Variants in PYGO1 observed in about 807,000 individuals in gnomAD.
The protein encoded by PYGO1 is pygopus homolog 1.
PYGO1 carries 6 observed loss-of-function variants against 29.5 expected under a neutral mutation model. The observed-to-expected ratio is 0.20, with a 90% confidence interval of 0.11 to 0.40. The LOEUF is 0.40. Ranked by LOEUF, PYGO1 falls within the 10% of genes least tolerant of loss-of-function variation. The pLI, the probability that PYGO1 is intolerant of heterozygous loss-of-function variation, is 1.00. For synonymous variants in PYGO1, 186 were observed against 180.5 expected (o/e 1.03, Z -0.24); for missense variants, 515 against 514.9 (o/e 1.00, Z 0.00).
rs534263615 is a variant in PYGO1 at position 55,540,656 on chromosome 15, C to T, written c.*5367G>A. ...ATAATTAGTATTACATAGTAATTTC[C>T]TTTGCCATAGGAATAAATGTTGGAC... On this transcript the variant is annotated 3_prime_UTR_variant, in exon 3 of 3. Coordinates refer to ENST00000563719, the MANE Select transcript of PYGO1 (RefSeq NM_001367806.1). 6.6e-5 allele frequency: 10 copies of T among 152,186 alleles called. No individual in the cohort carries two copies. The highest frequency in any genetic ancestry group is 2.4e-4 in the African/African-American group (10 of 41,524). 9.4% of individuals were successfully genotyped at this position (152,186 alleles called of 1,614,324 possible). A position where few individuals can be genotyped will look rare whatever the true frequency, so the allele number is the denominator to read the frequency against.
At chr15:55,572,224 A>G (rs1196066991) in intron 1 of PYGO1, among the ~76,000 whole-genome samples, 1 of 152,198 alleles carries the variant, frequency 6.6e-6, no homozygotes, top group South Asian at 2.1e-4. Context: ...ATGGAACACA[A>G]TCAAGAGCCC....
chr15:55,552,760 A>G (rs1216550745), intron 1 of PYGO1, among the ~76,000 whole-genome samples: 1 of 152,180 alleles, frequency 6.6e-6, no homozygotes, highest in Non-Finnish European at 1.5e-5. Context: ...ACTCAGGCAC[A>G]CACAGAGACC....
At position 55,588,092 on chromosome 15, in the gene PYGO1, GTGC is replaced by G; in HGVS notation, c.-212_-210del. ...CGGGGCGGCGGGGCGGCGGGGCGGCGTGCGGGCACCGGCGGGGCTCAGCGGCGG... is the reference window on the plus strand; with the variant it reads ...CGGGGCGGCGGGGCGGCGGGGCGGCGGGGCACCGGCGGGGCTCAGCGGCGG... On this transcript the variant is annotated 5_prime_UTR_variant, in exon 1 of 3. Transcript: ENST00000563719. 2.0e-6 allele frequency: 2 copies of G among 1,020,360 alleles called. No individual in the cohort carries two copies. Among genetic ancestry groups the G allele is most frequent in the Non-Finnish European group, 2.3e-6 (2 of 851,134 alleles). The allele number at this position is 1,020,360 out of a possible 1,614,324, so 63.2% of individuals were successfully genotyped here.
intron 1 of PYGO1, among the ~76,000 whole-genome samples, chr15:55,573,345 T>G (rs1595991702): frequency 6.7e-6 from 1 of 150,056 alleles, no homozygotes; most frequent in Middle Eastern, 3.5e-3. Context: ...AGATAGCAAG[T>G]GTTGGTGAGG....
rs1402817886 is a variant in PYGO1 at position 55,549,146 on chromosome 15, GTCTT to G, written c.50-155_50-152del. The G allele has an allele frequency of 5.5e-6, 3 of 540,662 alleles. No homozygotes were observed. The African/African-American group carries it at 5.9e-5, about 11-fold the overall frequency. 33.5% of individuals were successfully genotyped at this position (540,662 alleles called of 1,614,324 possible). A position where few individuals can be genotyped will look rare whatever the true frequency, so the allele number is the denominator to read the frequency against. On this transcript the variant is annotated intron_variant, in intron 1 of 2. Coordinates refer to ENST00000563719, the MANE Select transcript of PYGO1 (RefSeq NM_001367806.1). ...TATTATCATTATCTGTTTCAAAAAA[GTCTT>G]TCCCATAGTTTGAGCCAGAAATAGC...
Position 55,544,929 on chromosome 15 carries a change from G to A in PYGO1, c.*1094C>T, listed in dbSNP as rs1421606656. 6.6e-6 allele frequency: 1 copy of A among 152,106 alleles called. No homozygotes were observed. Among genetic ancestry groups the A allele is most frequent in the Non-Finnish European group, 1.5e-5 (1 of 68,008 alleles). The allele number at this position is 152,106 out of a possible 1,614,324, so 9.4% of individuals were successfully genotyped here. A position where few individuals can be genotyped will look rare whatever the true frequency, so the allele number is the denominator to read the frequency against. On this transcript the variant is annotated 3_prime_UTR_variant, in exon 3 of 3. Transcript: ENST00000563719. ...AGGTCCATTTTTATACTTTTCCCCA[G>A]TCAGAGCGGGAATTCCTTAAGTCTG...
intron 1 of PYGO1, among the ~76,000 whole-genome samples, chr15:55,552,368 A>C (rs2058883062): frequency 6.7e-6 from 1 of 148,190 alleles, no homozygotes; most frequent in Admixed American, 6.7e-5. Flanking sequence ...CTCCAAAAAA[A>C]AAAAAAAAAA....
At chr15:55,555,148 T>C (rs944936297) in intron 1 of PYGO1, among the ~76,000 whole-genome samples, 1 of 152,088 alleles carries the variant, frequency 6.6e-6, no homozygotes, top group Non-Finnish European at 1.5e-5. Context: ...CCAATCAGAC[T>C]AACAGTAGAC....
chr15:55,558,474 T>A (rs1028986537), intron 1 of PYGO1, among the ~76,000 whole-genome samples: 4 of 152,148 alleles, frequency 2.6e-5, no homozygotes, highest in African/African-American at 9.7e-5. Flanking sequence ...AATGACTTTC[T>A]TCACAGAATT....
intron 1 of PYGO1, among the ~76,000 whole-genome samples, chr15:55,565,099 T>C (rs2141662536): frequency 6.6e-6 from 1 of 152,298 alleles, no homozygotes; most frequent in African/African-American, 2.4e-5. Context: ...CTTAGAAGGT[T>C]CATGTAATTA....
rs763961415 is a variant in PYGO1, at chr15:55,540,660, G to T, written c.*5363C>A. 2 of 152,044 alleles carry T rather than the reference G, an allele frequency of 1.3e-5. No individual in the cohort carries two copies. Among genetic ancestry groups the T allele is most frequent in the Non-Finnish European group, 2.9e-5 (2 of 67,972 alleles). 9.4% of individuals were successfully genotyped at this position (152,044 alleles called of 1,614,324 possible). ...TTAGTATTACATAGTAATTTCCTTT[G>T]CCATAGGAATAAATGTTGGACAAAG... On this transcript the variant is annotated 3_prime_UTR_variant, in exon 3 of 3. Transcript: ENST00000563719.
At chr15:55,586,044 A>T (rs2059044855) in intron 1 of PYGO1, among the ~76,000 whole-genome samples, 1 of 152,086 alleles carries the variant, frequency 6.6e-6, no homozygotes, top group African/African-American at 2.4e-5. Context: ...TTCTACCAAA[A>T]TACTCTTGAG....
intron 1 of PYGO1, among the ~76,000 whole-genome samples, chr15:55,582,249 C>T (rs893304770): frequency 2.7e-5 from 4 of 149,274 alleles, no homozygotes; most frequent in African/African-American, 9.8e-5. Context: ...AATTCTAGGA[C>T]TTTGGGACAG....
At chr15:55,568,233 T>G (rs1210888973) in intron 1 of PYGO1, among the ~76,000 whole-genome samples, 3 of 152,160 alleles carry the variant, frequency 2.0e-5, no homozygotes, top group African/African-American at 7.2e-5. Flanking sequence ...CATTTGTTTG[T>G]GTCATCTATG....
At chr15:55,568,180 A>G (rs184126691) in intron 1 of PYGO1, among the ~76,000 whole-genome samples, 7 of 152,304 alleles carry the variant, frequency 4.6e-5, no homozygotes, top group African/African-American at 1.4e-4. Flanking sequence ...TGGCTATTTT[A>G]ATGAGATTGA....
chr15:55,559,262 A>G (rs1308465687), intron 1 of PYGO1, among the ~76,000 whole-genome samples: 1 of 152,162 alleles, frequency 6.6e-6, no homozygotes, highest in African/African-American at 2.4e-5. Flanking sequence ...GAGAAATGCA[A>G]ATCAAAACCA....
chr15:55,555,056 C>T (rs943991374), intron 1 of PYGO1, among the ~76,000 whole-genome samples: 27 of 151,874 alleles, frequency 1.8e-4, no homozygotes, highest in African/African-American at 5.8e-4. Context: ...GATACATAAT[C>T]ATCAGATTCT....
chr15:55,566,523 G>C (rs2058957667), intron 1 of PYGO1, among the ~76,000 whole-genome samples: 2 of 152,036 alleles, frequency 1.3e-5, no homozygotes, highest in African/African-American at 2.4e-5. Context: ...ATTGTGAATA[G>C]TGGTGCCATG....
intron 1 of PYGO1, among the ~76,000 whole-genome samples, chr15:55,579,780 GCTTA>G (rs1339399185): frequency 2.0e-5 from 3 of 152,108 alleles, no homozygotes; most frequent in African/African-American, 7.2e-5. Context: ...CTATCATCTT[GCTTA>G]CTTTTCAAGA....
Sources: allele counts gnomAD v4.1 joint callset (sites outside exome capture counted in the v4.1 genomes callset), GRCh38; gene constraint gnomAD v4.1.1; transcripts MANE v1.5; gene names NCBI Gene and HGNC (gene_info 2026-07-23, HGNC 2026-07-21).